Variants in SLC5A11 observed in about 807,000 individuals in gnomAD.
The protein encoded by SLC5A11 is solute carrier family 5 member 11, also known as sodium/myo-inositol cotransporter 2.
Under a neutral mutation model 69.8 loss-of-function variants are expected in SLC5A11, and 48 were observed. That is an observed-to-expected ratio of 0.69 (90% CI 0.55 to 0.87). The LOEUF is 0.87. Among genes scored for constraint, SLC5A11 ranks in the 40% least tolerant of loss-of-function variants. SLC5A11 has a pLI of 0.00. For synonymous variants in SLC5A11, 319 were observed against 342.4 expected, an observed-to-expected ratio of 0.93 and a Z score of 0.75; for missense variants, 784 against 866.1, an observed-to-expected ratio of 0.91 and a Z score of 1.19.
At chr16:24,852,025 G>A (rs2059335521) in intron 1 of SLC5A11, among the ~76,000 whole-genome samples, 1 of 120,968 alleles carries the variant, frequency 8.3e-6, no homozygotes, top group Non-Finnish European at 1.6e-5. Context: ...CCCGATTCCT[G>A]CCACCCCCTC....
intron 3 of SLC5A11, among the ~76,000 whole-genome samples, chr16:24,866,901 G>A (rs530451985): frequency 6.6e-6 from 1 of 152,222 alleles, no homozygotes; most frequent in Admixed American, 6.5e-5. Flanking sequence ...CTGACAGAAT[G>A]AAGGGAGAAA....
At chr16:24,896,092 G>A (rs1281118613) in intron 9 of SLC5A11, among the ~76,000 whole-genome samples, 1 of 148,804 alleles carries the variant, frequency 6.7e-6, no homozygotes, top group African/African-American at 2.5e-5. Context: ...GGTGGCTCAC[G>A]CCTATAATCA....
intron 8 of SLC5A11, among the ~76,000 whole-genome samples, chr16:24,887,202 C>T (rs1171001108): frequency 6.6e-6 from 1 of 151,984 alleles, no homozygotes; most frequent in Admixed American, 6.6e-5. Context: ...AAAGGGAGGA[C>T]CTATGTGCCT....
Position 24,901,948 on chromosome 16 carries a change from ACACACACACG to A in SLC5A11, c.1006+3849_1006+3858del, listed in dbSNP as rs1449857580. On this transcript the variant is annotated intron_variant, in intron 10 of 15. Transcript: ENST00000347898. The stretch of plus-strand genomic sequence containing the variant: ...AAAAAAAATACACACACACACACAC[ACACACACACG>A]CACACACACACACACACACACACAT... 3.5e-4 allele frequency among the ~76,000 whole-genome samples: 45 copies of A among 129,084 alleles called. 1 individual carries two copies. In the South Asian group the frequency reaches 5.1e-3, roughly 15 times the overall value. 84.7% of individuals were successfully genotyped at this position (129,084 alleles called of 152,430 possible).
intron 7 of SLC5A11, among the ~76,000 whole-genome samples, chr16:24,883,335 A>G (rs969094232): frequency 5.3e-5 from 8 of 152,198 alleles, no homozygotes; most frequent in Non-Finnish European, 1.0e-4. Context: ...ACTACACTCC[A>G]GCCTGGGTTG....
intron 7 of SLC5A11, among the ~76,000 whole-genome samples, chr16:24,882,161 T>C (rs1329862782): frequency 6.6e-6 from 1 of 152,106 alleles, no homozygotes; most frequent in Non-Finnish European, 1.5e-5. Context: ...ACATGCCATT[T>C]TGTTGGCCTC....
chr16:24,867,012 A>G (rs1048879402), intron 3 of SLC5A11, among the ~76,000 whole-genome samples: 4 of 152,186 alleles, frequency 2.6e-5, no homozygotes. Context: ...AGACATGAAC[A>G]ACACTATAAA....
At chr16:24,873,680 A>G (rs948292422) in intron 5 of SLC5A11, among the ~76,000 whole-genome samples, 7 of 151,472 alleles carry the variant, frequency 4.6e-5, no homozygotes, top group African/African-American at 1.5e-4. Context: ...GAAAAATCAC[A>G]ATGCCTTCCC....
chr16:24,897,706 C>T (rs962800854), intron 9 of SLC5A11, among the ~76,000 whole-genome samples: 4 of 152,154 alleles, frequency 2.6e-5, no homozygotes, highest in South Asian at 2.1e-4. Context: ...GAGCAAGTCA[C>T]GTCTTACATG....
chr16:24,854,516 G>A lies in SLC5A11; in HGVS notation c.-24-4104G>A, dbSNP rs992068683. Among the ~76,000 whole-genome samples the A allele has an allele frequency of 4.6e-5, 7 of 151,648 alleles. 1 individual carries two copies. Among genetic ancestry groups the A allele is most frequent in the Admixed American group, 1.3e-4 (2 of 15,230 alleles). On this transcript the variant is annotated intron_variant, in intron 1 of 15. Coordinates refer to ENST00000347898, the Ensembl canonical transcript of SLC5A11. ...ATAATCACAGCTCACTGCAACCTCC[G>A]CCTCCCGGGTTCAAGCGATCTTTCT... is the stretch of plus-strand genomic sequence containing the variant.
chr16:24,868,970 C>T (rs1389656587), intron 3 of SLC5A11, among the ~76,000 whole-genome samples: 3 of 151,368 alleles, frequency 2.0e-5, no homozygotes, highest in Admixed American at 1.3e-4. Context: ...CGGGCTCGAG[C>T]GATTCTCCTG....
At chr16:24,876,150 C>G (rs912903384) in intron 6 of SLC5A11, among the ~76,000 whole-genome samples, 1 of 149,852 alleles carries the variant, frequency 6.7e-6, no homozygotes, top group Non-Finnish European at 1.5e-5. Flanking sequence ...GAGCCAAGAT[C>G]ATGCCACTGT....
At chr16:24,860,690 A>G (rs1420932499) in intron 2 of SLC5A11, among the ~76,000 whole-genome samples, 1 of 152,014 alleles carries the variant, frequency 6.6e-6, no homozygotes, top group Non-Finnish European at 1.5e-5. Flanking sequence ...GAAAAATAAT[A>G]TCTCAAAGTT....
chr16:24,873,885 G>A (rs1351193386), intron 5 of SLC5A11, among the ~76,000 whole-genome samples: 1 of 147,956 alleles, frequency 6.8e-6, no homozygotes. Context: ...GAGTTGCAGT[G>A]GCATGATCTC....
intron 15 of SLC5A11, among the ~76,000 whole-genome samples, chr16:24,910,833 C>A (rs1597333220): frequency 6.6e-6 from 1 of 152,076 alleles, no homozygotes; most frequent in African/African-American, 2.4e-5. Flanking sequence ...TTTGGCTTAG[C>A]CCACCTACAG....
In SLC5A11 at chr16:24,883,726, AG is replaced by A. The variant is rs1158691120; in HGVS notation, c.584-322del. Among the ~76,000 whole-genome samples the A allele has an allele frequency of 2.0e-5, 3 of 152,334 alleles. No homozygotes were observed. The East Asian group carries it at 5.8e-4, about 29-fold the overall frequency. ...CTGGCTTCTTAAAGCAAATGGTCTC[AG>A]GGCAACAGGAGAGTAAGTGCAGAAG... On this transcript the variant is annotated intron_variant, in intron 7 of 15. Transcript: ENST00000347898.
intron 2 of SLC5A11, among the ~76,000 whole-genome samples, chr16:24,860,028 G>A (rs1320241101): frequency 6.6e-6 from 1 of 152,162 alleles, no homozygotes; most frequent in Non-Finnish European, 1.5e-5. Context: ...GCTCACGCCT[G>A]TAATCCCAGC....
At chr16:24,889,706 C>T (rs1045034203) in intron 8 of SLC5A11, among the ~76,000 whole-genome samples, 1 of 151,700 alleles carries the variant, frequency 6.6e-6, no homozygotes, top group African/African-American at 2.4e-5. Flanking sequence ...CACCACCACG[C>T]CTGGCTAATT....
At chr16:24,848,227 C>T (rs770943972) in intron 1 of SLC5A11, among the ~76,000 whole-genome samples, 5 of 152,132 alleles carry the variant, frequency 3.3e-5, no homozygotes, top group Non-Finnish European at 7.3e-5. Context: ...CAAAGCACCC[C>T]AGCAGCATGG....
Sources: allele counts gnomAD v4.1 joint callset (sites outside exome capture counted in the v4.1 genomes callset), GRCh38; gene constraint gnomAD v4.1.1; transcripts MANE v1.5; gene names NCBI Gene and HGNC (gene_info 2026-07-23, HGNC 2026-07-21).